The following UBE2G1 variants were observed in gnomAD, a reference collection of about 807,000 sequenced individuals.
The protein encoded by UBE2G1 is ubiquitin-conjugating enzyme E2 G1.
Under a neutral mutation model 22.7 loss-of-function variants are expected in UBE2G1, and 5 were observed. The ratio of observed to expected loss-of-function variants is 0.22; its 90% confidence interval spans 0.12 to 0.46. UBE2G1 has a LOEUF of 0.46. Among genes scored for constraint, UBE2G1 ranks in the 20% least tolerant of loss-of-function variants. The pLI is 0.99. For synonymous variants in UBE2G1, 74 were observed against 67.5 expected, an observed-to-expected ratio of 1.10 and a Z score of -0.47; for missense variants, 88 against 203.9, an observed-to-expected ratio of 0.43 and a Z score of 3.46.
chr17:4,366,171 C>T (rs1176796942), intron 1 of UBE2G1, 100 bp downstream of exon 1: 6 of 1,314,990 alleles, frequency 4.6e-6, no homozygotes, highest in Non-Finnish European at 5.0e-6. Context: ...GCCCGGGCCC[C>T]TTCGGCAGTA....
chr17:4,314,382 C>T (rs997911065), intron 1 of UBE2G1, among the ~76,000 whole-genome samples: 2 of 152,112 alleles, frequency 1.3e-5, no homozygotes, highest in African/African-American at 2.4e-5. Context: ...TTAGTAACAA[C>T]GAATGCTTGA....
chr17:4,288,987 C>T (rs1189253566), intron 4 of UBE2G1, among the ~76,000 whole-genome samples: 1 of 151,970 alleles, frequency 6.6e-6, no homozygotes, highest in Non-Finnish European at 1.5e-5. Flanking sequence ...TTGCAGTGAC[C>T]TATGATTGTG....
intron 1 of UBE2G1, among the ~76,000 whole-genome samples, chr17:4,351,678 C>T (rs1272582681): frequency 6.6e-6 from 1 of 152,172 alleles, no homozygotes; most frequent in Non-Finnish European, 1.5e-5. Flanking sequence ...GAAATTAGCA[C>T]AGCCTAAAGT....
intron 1 of UBE2G1, among the ~76,000 whole-genome samples, chr17:4,327,375 G>T (rs1322162369): frequency 6.6e-6 from 1 of 152,106 alleles, no homozygotes; most frequent in Non-Finnish European, 1.5e-5. Context: ...GGGAGGCCGA[G>T]GCAGGAGATT....
chr17:4,310,227 T>C (rs552805281), intron 1 of UBE2G1, among the ~76,000 whole-genome samples: 4 of 152,328 alleles, frequency 2.6e-5, no homozygotes, highest in African/African-American at 9.6e-5. Context: ...TTTTGGCTTC[T>C]GCTAAATTCC....
intron 1 of UBE2G1, among the ~76,000 whole-genome samples, chr17:4,339,473 T>A (rs914779762): frequency 3.9e-5 from 6 of 152,050 alleles, no homozygotes; most frequent in Non-Finnish European, 8.8e-5. Context: ...ATCGGCTAAT[T>A]TTTTGTATTT....
chr17:4,364,224 A>G (rs1163826987), intron 1 of UBE2G1: 1 of 140,180 alleles, frequency 7.1e-6, no homozygotes, highest in Non-Finnish European at 1.5e-5. Context: ...AGATCGCGCA[A>G]CTCCACTCCA....
intron 1 of UBE2G1, among the ~76,000 whole-genome samples, chr17:4,354,971 T>A (rs1274845686): frequency 6.6e-6 from 1 of 151,910 alleles, no homozygotes; most frequent in East Asian, 1.9e-4. Context: ...GGTGCATGCC[T>A]ATAGTCCCAG....
rs968683794 is a variant in UBE2G1 at position 4,347,056 on chromosome 17, G to A, written c.46+19215C>T. ...TAATCTCAGCCACTCAGGAGGCGGA[G>A]GCAGGAGGATCGCTTGAGCCCAGGA... On this transcript the variant is annotated intron_variant, in intron 1 of 5. Coordinates refer to ENST00000396981, the MANE Select transcript of UBE2G1 (RefSeq NM_003342.5). Among the ~76,000 whole-genome samples, 68 of 151,998 alleles carry A rather than the reference G, an allele frequency of 4.5e-4. 1 individual carries two copies. Among genetic ancestry groups the A allele is most frequent in the Non-Finnish European group, 1.6e-4 (11 of 68,000 alleles).
At chr17:4,352,054 T>C (rs1029297361) in intron 1 of UBE2G1, among the ~76,000 whole-genome samples, 2 of 151,896 alleles carry the variant, frequency 1.3e-5, no homozygotes, top group African/African-American at 4.8e-5. Flanking sequence ...GGTGAGGAGT[T>C]AGAGACCAGC....
At chr17:4,324,013 T>A (rs1357501369) in intron 1 of UBE2G1, among the ~76,000 whole-genome samples, 1 of 152,174 alleles carries the variant, frequency 6.6e-6, no homozygotes, top group African/African-American at 2.4e-5. Context: ...CAGAATATGA[T>A]GCCCAAGCAT....
rs1349905996 is a variant in UBE2G1 at position 4,269,808 on chromosome 17, ATGT to A, written c.*2743_*2745del. ...TCTACAATCCATAAGATCTATGGAG[ATGT>A]TGTTGATGGTTGGCACAAGTTTAGG... On this transcript the variant is annotated 3_prime_UTR_variant, in exon 6 of 6. Coordinates refer to ENST00000396981, the MANE Select transcript of UBE2G1 (RefSeq NM_003342.5). 6.5e-5 allele frequency: 12 copies of A among 184,244 alleles called. No individual in the cohort carries two copies. The highest frequency in any genetic ancestry group is 1.9e-4 in the East Asian group (1 of 5,190). 11.4% of individuals were successfully genotyped at this position (184,244 alleles called of 1,614,324 possible).
intron 1 of UBE2G1, among the ~76,000 whole-genome samples, chr17:4,363,710 T>C (rs1457166970): frequency 3.9e-5 from 6 of 151,968 alleles, no homozygotes; most frequent in Non-Finnish European, 5.9e-5. Context: ...CCCAGCACTT[T>C]GGGAGGCTGA....
At chr17:4,315,798 T>G (rs1567521841) in intron 1 of UBE2G1, among the ~76,000 whole-genome samples, 1 of 46,446 alleles carries the variant, frequency 2.2e-5, no homozygotes, top group East Asian at 1.0e-3. Flanking sequence ...GAAAAGAGGC[T>G]CCTTTTTTTT....
rs1255795940 is a variant in UBE2G1 at position 4,272,189 on chromosome 17, T to G, written c.*365A>C. ...GAAAACCTGCTAAAATCTCTTAGAA[T>G]TTACACGATTCTTATTCTACTACAA... On this transcript the variant is annotated 3_prime_UTR_variant, in exon 6 of 6. Transcript: ENST00000396981. The G allele has an allele frequency of 6.5e-6, 1 of 152,692 alleles. No homozygotes were observed. Among genetic ancestry groups the G allele is most frequent in the Non-Finnish European group, 1.5e-5 (1 of 68,044 alleles). The allele number at this position is 152,692 out of a possible 1,614,324, so 9.5% of individuals were successfully genotyped here.
At chr17:4,353,598 G>C (rs1179522920) in intron 1 of UBE2G1, among the ~76,000 whole-genome samples, 1 of 150,628 alleles carries the variant, frequency 6.6e-6, no homozygotes, top group Non-Finnish European at 1.5e-5. Flanking sequence ...AGAGGTTCTT[G>C]AACACCTGGG....
chr17:4,310,597 T>C (rs2143738834), intron 1 of UBE2G1, among the ~76,000 whole-genome samples: 1 of 152,298 alleles, frequency 6.6e-6, no homozygotes, highest in East Asian at 1.9e-4. Flanking sequence ...AAAGGGCCTT[T>C]GTAAGCCCTG....
In UBE2G1 at chr17:4,272,668, G is replaced by A. The variant is rs537928811; in HGVS notation, c.*38-152C>T. The stretch of plus-strand genomic sequence containing the variant: ...TTTCTATCTATTATGGTAGCTCACA[G>A]CCACGTGGGTATATTTAATTTTAAA... On this transcript the variant is annotated intron_variant, in intron 5 of 5. Transcript: ENST00000396981. 2.6e-5 allele frequency among the ~76,000 whole-genome samples: 4 copies of A among 152,240 alleles called. No individual in the cohort carries two copies. The South Asian group carries it at 8.3e-4, about 32-fold the overall frequency.
Position 4,357,489 on chromosome 17 carries a change from G to A in UBE2G1, c.46+8782C>T, listed in dbSNP as rs191074378. Among the ~76,000 whole-genome samples, 39 of 120,000 alleles carry A rather than the reference G, an allele frequency of 3.2e-4. 1 individual carries two copies. In the East Asian group the frequency reaches 8.8e-3, roughly 27 times the overall value. The allele number at this position is 120,000 out of a possible 152,430, so 78.7% of individuals were successfully genotyped here. A position where few individuals can be genotyped will look rare whatever the true frequency, so the allele number is the denominator to read the frequency against. Reference sequence around the variant, plus strand: ...CTACTGTATTCAGATGTCATCACTCGGTTGTGTGTGTGTGTGTGTGGGGGG... The same window carrying A: ...CTACTGTATTCAGATGTCATCACTCAGTTGTGTGTGTGTGTGTGTGGGGGG... On this transcript the variant is annotated intron_variant, in intron 1 of 5. Coordinates refer to ENST00000396981, the MANE Select transcript of UBE2G1 (RefSeq NM_003342.5).
Sources: allele counts gnomAD v4.1 joint callset (sites outside exome capture counted in the v4.1 genomes callset), GRCh38; gene constraint gnomAD v4.1.1; transcripts MANE v1.5; gene names NCBI Gene and HGNC (gene_info 2026-07-23, HGNC 2026-07-21).